PARPBP: variants seen among roughly 807,000 people sequenced by gnomAD.
The protein encoded by PARPBP is PCNA-interacting partner.
PARPBP carries 52 observed loss-of-function variants against 50.0 expected under a neutral mutation model. The ratio of observed to expected loss-of-function variants is 1.04; its 90% CI spans 0.83 to 1.31. The LOEUF (loss-of-function observed/expected upper bound fraction) is 1.31. PARPBP is among the 50% of genes most tolerant of loss of function. The pLI is 0.00. For missense variants in PARPBP, 697 were observed against 672.0 expected, an observed-to-expected ratio of 1.04 and a Z score of -0.41; for synonymous variants, 244 against 232.1, an observed-to-expected ratio of 1.05 and a Z score of -0.47.
intron 7 of PARPBP, among the ~76,000 whole-genome samples, chr12:102,176,329 TA>T (rs1320740076): frequency 6.6e-6 from 1 of 152,200 alleles, no homozygotes; most frequent in Non-Finnish European, 1.5e-5. Context: ...AGATATAAAA[TA>T]AAAGCCTGTT....
intron 2 of PARPBP, among the ~76,000 whole-genome samples, chr12:102,142,928 A>G (rs758498418): frequency 6.6e-5 from 10 of 152,128 alleles, no homozygotes; most frequent in South Asian, 2.1e-4. Flanking sequence ...CACTTAGGCT[A>G]CTTGGTGTTC....
At chr12:102,173,898 T>C (rs896287762) in intron 6 of PARPBP, among the ~76,000 whole-genome samples, 1 of 147,260 alleles carries the variant, frequency 6.8e-6, no homozygotes, top group Non-Finnish European at 1.5e-5. Context: ...TTCGGTGATA[T>C]GTTCTTCAGG....
chr12:102,130,644 A>G (rs1161835663), intron 2 of PARPBP, among the ~76,000 whole-genome samples: 4 of 152,078 alleles, frequency 2.6e-5, no homozygotes, highest in Non-Finnish European at 2.9e-5. Flanking sequence ...ACTTGAGGTC[A>G]GGAGTTGAAG....
chr12:102,177,834 C>A (rs1889428658), intron 7 of PARPBP, among the ~76,000 whole-genome samples: 1 of 152,138 alleles, frequency 6.6e-6, no homozygotes. Context: ...CATACCACTT[C>A]CTCCCTTTTA....
At chr12:102,188,216 C>G (rs1272558399) in intron 9 of PARPBP, among the ~76,000 whole-genome samples, 6 of 151,366 alleles carry the variant, frequency 4.0e-5, no homozygotes, top group African/African-American at 1.2e-4. Context: ...ACTAAAACCA[C>G]CTTGATTCCA....
intron 3 of PARPBP, among the ~76,000 whole-genome samples, chr12:102,152,676 G>A (rs1886363380): frequency 6.6e-6 from 1 of 151,848 alleles, no homozygotes; most frequent in Non-Finnish European, 1.5e-5. Flanking sequence ...CAACATGAAA[G>A]TATAAAAAAG....
chr12:102,184,968 G>A (rs987160882), intron 9 of PARPBP, among the ~76,000 whole-genome samples: 10 of 152,116 alleles, frequency 6.6e-5, no homozygotes, highest in Non-Finnish European at 1.3e-4. Context: ...CTTGAAATGA[G>A]CATTTCAAAG....
intron 4 of PARPBP, chr12:102,155,235 A>C (rs1279754026): frequency 6.4e-6 from 1 of 156,850 alleles, no homozygotes; most frequent in Non-Finnish European, 1.4e-5. Flanking sequence ...GTGAGCTGAG[A>C]TCACACCACT....
chr12:102,146,248 C>T (rs1287925767), intron 2 of PARPBP, among the ~76,000 whole-genome samples: 8 of 152,052 alleles, frequency 5.3e-5, no homozygotes, highest in Non-Finnish European at 8.8e-5. Context: ...AAAAAGAACC[C>T]GCATCACCAA....
chr12:102,181,895 G>A lies in PARPBP; in HGVS notation c.1185-654G>A, dbSNP rs117042682. On this transcript the variant is annotated intron_variant, in intron 8 of 10. Coordinates refer to ENST00000327680, the MANE Select transcript of PARPBP (RefSeq NM_017915.5). The stretch of plus-strand genomic sequence containing the variant: ...CCCCATAGATTAGATTTTCTTGCTG[G>A]GTTTTCACGTGGCTGGGAAGACTGA... Among the ~76,000 whole-genome samples, 977 of 152,202 alleles carry A rather than the reference G, an allele frequency of 6.4e-3. 4 individuals are homozygous for A. Among genetic ancestry groups the A allele is most frequent in the Admixed American group, 0.012 (183 of 15,286 alleles).
At chr12:102,180,537 T>A (rs1889723675) in intron 8 of PARPBP, among the ~76,000 whole-genome samples, 1 of 152,100 alleles carries the variant, frequency 6.6e-6, no homozygotes, top group Non-Finnish European at 1.5e-5. Context: ...ACTCTATCTC[T>A]GCAAAAATAA....
At chr12:102,149,928 C>T (rs1315885774) in intron 3 of PARPBP, among the ~76,000 whole-genome samples, 1 of 152,196 alleles carries the variant, frequency 6.6e-6, no homozygotes, top group Non-Finnish European at 1.5e-5. Flanking sequence ...GAGGCTTAAT[C>T]ATATATCAGT....
intron 9 of PARPBP, among the ~76,000 whole-genome samples, chr12:102,187,710 T>C (rs928418618): frequency 6.6e-6 from 1 of 152,074 alleles, no homozygotes; most frequent in African/African-American, 2.4e-5. Flanking sequence ...GCTTTCAAAA[T>C]GTAACTCTGA....
At chr12:102,129,096 T>C (rs1220112642) in intron 2 of PARPBP, among the ~76,000 whole-genome samples, 1 of 152,210 alleles carries the variant, frequency 6.6e-6, no homozygotes, top group Non-Finnish European at 1.5e-5. Flanking sequence ...GTGTGTCTTC[T>C]TTTTGGAAAT....
intron 6 of PARPBP, 110 bp from the exon 7 acceptor site, chr12:102,175,373 C>A: frequency 1.6e-6 from 1 of 639,148 alleles, no homozygotes; most frequent in Non-Finnish European, 2.6e-6. Context: ...TATATAAGAT[C>A]AAAGCTATAT....
intron 9 of PARPBP, 49 bp downstream of exon 9, chr12:102,182,676 A>C: frequency 3.3e-6 from 4 of 1,222,910 alleles, no homozygotes; most frequent in South Asian, 1.3e-5. Context: ...TTTTATTTTT[A>C]GAAGAAATAA....
chr12:102,194,769 C>T (rs1215899747), intron 9 of PARPBP, among the ~76,000 whole-genome samples: 1 of 151,724 alleles, frequency 6.6e-6, no homozygotes, highest in East Asian at 1.9e-4. Flanking sequence ...TAATGTCTTT[C>T]CTATATCATT....
chr12:102,126,237 A>G (rs1565847802), intron 2 of PARPBP, among the ~76,000 whole-genome samples: 3 of 152,134 alleles, frequency 2.0e-5, no homozygotes, highest in Non-Finnish European at 4.4e-5. Flanking sequence ...CTCAGGGTTT[A>G]TAAAAACTAG....
At position 102,128,368 on chromosome 12, in the gene PARPBP, A is replaced by G. The variant is rs979185223; in HGVS notation, c.153+4327A>G. Among the ~76,000 whole-genome samples the G allele has an allele frequency of 1.4e-4, 21 of 152,136 alleles. 2 individuals are homozygous for G. The highest frequency in any genetic ancestry group is 8.5e-4 in the Admixed American group (13 of 15,282). ...TGCCTCTGCCTCCCTAGTAGCTGGG[A>G]CTGCAGGCACCCGCCACCACACCCG... is the stretch of plus-strand genomic sequence containing the variant. On this transcript the variant is annotated intron_variant, in intron 2 of 10. Transcript: ENST00000327680.
Sources: allele counts gnomAD v4.1 joint callset (sites outside exome capture counted in the v4.1 genomes callset), GRCh38; gene constraint gnomAD v4.1.1; transcripts MANE v1.5; gene names NCBI Gene and HGNC (gene_info 2026-07-23, HGNC 2026-07-21).